The following KIF6 variants were observed in gnomAD, a reference collection of about 807,000 sequenced individuals.
KIF6 encodes kinesin family member 6, also known as kinesin-like protein KIF6.
A neutral mutation model predicts 112.7 loss-of-function variants in KIF6; 106 were observed. That is an observed-to-expected ratio of 0.94 (90% CI 0.80 to 1.11). KIF6 has a LOEUF of 1.11. KIF6 is among the 50% of genes least tolerant of loss of function. KIF6 has a pLI of 0.00. For missense variants in KIF6, 929 were observed against 964.0 expected (o/e 0.96, Z 0.48); for synonymous variants, 339 against 339.9 (o/e 1.00, Z 0.03).
rs542297843 is a variant in KIF6, at chr6:39,538,017, T to C, written c.1645+1986A>G. ...GCTGGGAAAACTGGCTAGCTATATG[T>C]AGAAAGTTGAAACTGAATTCCTTCC... On this transcript the variant is annotated intron_variant, in intron 13 of 22. Coordinates refer to ENST00000287152, the MANE Select transcript of KIF6 (RefSeq NM_145027.6). Among the ~76,000 whole-genome samples, 12 of 152,320 alleles carry C rather than the reference T, an allele frequency of 7.9e-5. 1 individual carries two copies. The South Asian group carries it at 1.5e-3, about 18-fold the overall frequency.
intron 7 of KIF6, among the ~76,000 whole-genome samples, chr6:39,590,427 GTGTA>G (rs1554131549): frequency 0.031 from 3,433 of 112,322 alleles, 162 homozygotes; most frequent in African/African-American, 0.11. Context: ...GTATGTGTGT[GTGTA>G]TATATATATA....
chr6:39,385,332 A>C (rs1767318412), intron 16 of KIF6, among the ~76,000 whole-genome samples: 1 of 152,126 alleles, frequency 6.6e-6, no homozygotes, highest in Non-Finnish European at 1.5e-5. Context: ...TCTGGGACAC[A>C]GTGGGTGAAT....
At chr6:39,484,498 A>G (rs923029161) in intron 13 of KIF6, among the ~76,000 whole-genome samples, 2 of 152,198 alleles carry the variant, frequency 1.3e-5, no homozygotes, top group African/African-American at 4.8e-5. Context: ...AAGAGCATGG[A>G]GTCCTATGGA....
At chr6:39,676,791 A>C (rs1787166027) in intron 3 of KIF6, among the ~76,000 whole-genome samples, 1 of 152,118 alleles carries the variant, frequency 6.6e-6, no homozygotes, top group Admixed American at 6.5e-5. Flanking sequence ...AAAACAAATA[A>C]GGAAAAGTTT....
intron 13 of KIF6, among the ~76,000 whole-genome samples, chr6:39,526,516 A>G (rs1777737191): frequency 6.6e-6 from 1 of 152,212 alleles, no homozygotes; most frequent in South Asian, 2.1e-4. Flanking sequence ...ATGGGATCAC[A>G]AAGACTACTA....
intron 6 of KIF6, among the ~76,000 whole-genome samples, chr6:39,610,641 G>C (rs1014866347): frequency 6.6e-6 from 1 of 152,180 alleles, no homozygotes; most frequent in Non-Finnish European, 1.5e-5. Context: ...GTGGTTGACA[G>C]TTACTTGTCA....
intron 5 of KIF6, among the ~76,000 whole-genome samples, chr6:39,631,151 T>C (rs1784334155): frequency 6.6e-6 from 1 of 152,032 alleles, no homozygotes. Flanking sequence ...AATGCATTTG[T>C]CTGCTTTTGG....
intron 13 of KIF6, among the ~76,000 whole-genome samples, chr6:39,486,426 C>A (rs1562256937): frequency 1.3e-5 from 2 of 152,186 alleles, no homozygotes; most frequent in Non-Finnish European, 2.9e-5. Context: ...TAGTTGACTA[C>A]CACTGGGTAA....
intron 5 of KIF6, among the ~76,000 whole-genome samples, chr6:39,619,790 AT>A (rs1213647642): frequency 2.6e-5 from 4 of 152,222 alleles, no homozygotes. Flanking sequence ...ATTAGTCACT[AT>A]AATTTAATCA....
chr6:39,717,913 CTT>C (rs1455453892), intron 2 of KIF6, among the ~76,000 whole-genome samples: 3 of 151,986 alleles, frequency 2.0e-5, no homozygotes, highest in Non-Finnish European at 2.9e-5. Context: ...AACAATTGCA[CTT>C]TGTTTGTATC....
rs548842914 is a variant in KIF6, at chr6:39,483,961, C to T, written c.1646-52800G>A. Among the ~76,000 whole-genome samples, 3 of 152,292 alleles carry T rather than the reference C, an allele frequency of 2.0e-5. No homozygotes were observed. In the East Asian group the frequency reaches 5.8e-4, roughly 29 times the overall value. On this transcript the variant is annotated intron_variant, in intron 13 of 22. Transcript: ENST00000287152. ...AAATCAATCAGCCATATTCCATGCT[C>T]TTCAATTCATAAAGAGTGGGAGAGG...
intron 14 of KIF6, among the ~76,000 whole-genome samples, chr6:39,420,964 G>A (rs1057297950): frequency 6.6e-6 from 1 of 152,152 alleles, no homozygotes; most frequent in Non-Finnish European, 1.5e-5. Flanking sequence ...CCAACTTTGC[G>A]CTAGAGAAGC....
At position 39,395,436 on chromosome 6, in the gene KIF6, G is replaced by A. The variant is rs540295176; in HGVS notation, c.1811-9764C>T. On this transcript the variant is annotated intron_variant, in intron 15 of 22. Coordinates refer to ENST00000287152, the MANE Select transcript of KIF6 (RefSeq NM_145027.6). Reference sequence around the variant, plus strand: ...AATACTAAACATCTCAGGGAGCTGAGGGCTCATGATTGTGTTGGTATCTAT... The same window carrying A: ...AATACTAAACATCTCAGGGAGCTGAAGGCTCATGATTGTGTTGGTATCTAT... 2.6e-5 allele frequency among the ~76,000 whole-genome samples: 4 copies of A among 152,328 alleles called. No individual in the cohort carries two copies. In the South Asian group the frequency reaches 6.2e-4, roughly 24 times the overall value.
intron 3 of KIF6, among the ~76,000 whole-genome samples, chr6:39,643,113 GTC>G (rs1218125233): frequency 3.9e-5 from 6 of 152,058 alleles, no homozygotes; most frequent in African/African-American, 1.4e-4. Flanking sequence ...AGACATAGAA[GTC>G]TCTATTTGCA....
In KIF6 at chr6:39,485,533, A is replaced by T. The variant is rs149535319; in HGVS notation, c.1646-54372T>A. 1.8e-4 allele frequency among the ~76,000 whole-genome samples: 27 copies of T among 152,254 alleles called. No homozygotes were observed. In the East Asian group the frequency reaches 5.2e-3, roughly 29 times the overall value. On this transcript the variant is annotated intron_variant, in intron 13 of 22. Coordinates refer to ENST00000287152, the MANE Select transcript of KIF6 (RefSeq NM_145027.6). ...TCCCCAGCACTTAGAACAGGGCTTG[A>T]CACATAGTAGGCCAGGAATCCATAA...
intron 13 of KIF6, among the ~76,000 whole-genome samples, chr6:39,529,859 T>G (rs1777943728): frequency 6.6e-6 from 1 of 152,258 alleles, no homozygotes; most frequent in African/African-American, 2.4e-5. Context: ...TCTTTAAGAC[T>G]GAGATGTTCT....
chr6:39,449,197 A>G (rs1197392497), intron 13 of KIF6, among the ~76,000 whole-genome samples: 3 of 152,168 alleles, frequency 2.0e-5, no homozygotes, highest in African/African-American at 7.2e-5. Flanking sequence ...AGCAACCCAA[A>G]TGATCTTTTA....
At chr6:39,658,761 A>C (rs1785952673) in intron 3 of KIF6, among the ~76,000 whole-genome samples, 1 of 152,226 alleles carries the variant, frequency 6.6e-6, no homozygotes, top group African/African-American at 2.4e-5. Context: ...AAAAGTTTAG[A>C]GTCAATGAAA....
chr6:39,428,073 C>G (rs1190079139), intron 14 of KIF6, among the ~76,000 whole-genome samples: 1 of 152,148 alleles, frequency 6.6e-6, no homozygotes, highest in African/African-American at 2.4e-5. Context: ...CTTAGGGATT[C>G]TGGATCTCAT....
Sources: gnomAD v4.1 joint callset for allele counts (sites outside exome capture counted in the v4.1 genomes callset) on GRCh38, gnomAD v4.1.1 for gene constraint, MANE v1.5 for transcripts, NCBI Gene and HGNC (gene_info 2026-07-23, HGNC 2026-07-21) for gene names.